Variants in EYS observed in about 807,000 individuals in gnomAD.
EYS encodes the protein EGF-like photoreceptor maintenance factor.
A neutral mutation model predicts 282.1 loss-of-function variants in EYS; 250 were observed. The observed-to-expected ratio is 0.89, with a 90% CI of 0.80 to 0.98. The LOEUF (loss-of-function observed/expected upper bound fraction) is 0.98, where lower values mean the gene tolerates loss of function less well. Ranked by LOEUF, EYS falls within the 50% of genes least tolerant of loss-of-function variation. The pLI is 0.00. For synonymous variants in EYS, 1,355 were observed against 1,282.9 expected (o/e 1.06, Z -1.20); for missense variants, 4,016 against 3,709.0 (o/e 1.08, Z -2.15).
At chr6:65,266,775 T>A (rs1272129670) in intron 12 of EYS, among the ~76,000 whole-genome samples, 2 of 151,512 alleles carry the variant, frequency 1.3e-5, no homozygotes, top group Non-Finnish European at 3.0e-5. Flanking sequence ...TATAAAAAAT[T>A]TTCAGTGTTA....
intron 22 of EYS, among the ~76,000 whole-genome samples, chr6:64,704,717 G>A (rs1171363751): frequency 1.3e-5 from 2 of 151,730 alleles, no homozygotes; most frequent in Non-Finnish European, 2.9e-5. Flanking sequence ...AGCAAAGCTT[G>A]GAGGGAAGGG....
At chr6:65,145,872 C>T (rs1397877423) in intron 12 of EYS, among the ~76,000 whole-genome samples, 1 of 151,724 alleles carries the variant, frequency 6.6e-6, no homozygotes, top group Non-Finnish European at 1.5e-5. Context: ...ATATCCATTC[C>T]ATATAGGAAT....
At chr6:64,472,602 A>G (rs967718743) in intron 26 of EYS, among the ~76,000 whole-genome samples, 1 of 152,206 alleles carries the variant, frequency 6.6e-6, no homozygotes, top group African/African-American at 2.4e-5. Flanking sequence ...GAATTTGAGA[A>G]ACCATGTAAA....
intron 12 of EYS, among the ~76,000 whole-genome samples, chr6:65,128,510 A>T (rs1320344976): frequency 6.6e-6 from 1 of 152,106 alleles, no homozygotes; most frequent in Non-Finnish European, 1.5e-5. Context: ...TACAAAAATC[A>T]GTAGCATTTC....
chr6:65,514,642 T>C (rs1015926390), intron 2 of EYS, among the ~76,000 whole-genome samples: 1 of 152,166 alleles, frequency 6.6e-6, no homozygotes, highest in Non-Finnish European at 1.5e-5. Flanking sequence ...GCCGCATATC[T>C]ACAACTATCT....
intron 1 of EYS, among the ~76,000 whole-genome samples, chr6:65,656,143 C>T (rs905169748): frequency 6.6e-6 from 1 of 151,824 alleles, no homozygotes; most frequent in Admixed American, 6.6e-5. Context: ...CTGACTGCTC[C>T]ACCCACTGGC....
In EYS at chr6:64,436,395, A is replaced by G. The variant is rs1271440769; in HGVS notation, c.5836-130T>C. ...TGGAGAGACATGAAGTTTGAAACTT[A>G]AAGAGAAGTGATAACTGAAGGTTTA... On this transcript the variant is annotated intron_variant, in intron 27 of 42. Coordinates refer to ENST00000503581, the MANE Select transcript of EYS (RefSeq NM_001142800.2). 2.1e-5 allele frequency: 12 copies of G among 582,338 alleles called. No individual in the cohort carries two copies. The East Asian group carries it at 3.4e-4, about 16-fold the overall frequency. 36.1% of individuals were successfully genotyped at this position (582,338 alleles called of 1,614,324 possible). A position where few individuals can be genotyped will look rare whatever the true frequency, so the allele number is the denominator to read the frequency against.
chr6:65,635,098 T>A (rs7760787), intron 2 of EYS, among the ~76,000 whole-genome samples: 139,869 of 152,258 alleles, frequency 0.92, 64,581 homozygotes, highest in Non-Finnish European at 0.97. Flanking sequence ...GTTGGTAAGG[T>A]TATCAACATC....
intron 13 of EYS, among the ~76,000 whole-genome samples, chr6:65,012,720 C>A (rs1306508339): frequency 2.7e-5 from 4 of 148,876 alleles, no homozygotes; most frequent in Non-Finnish European, 5.9e-5. Flanking sequence ...AGAGTAAAGG[C>A]AGCAAATTGA....
At chr6:64,376,476 G>A (rs546615306) in intron 29 of EYS, among the ~76,000 whole-genome samples, 1 of 152,326 alleles carries the variant, frequency 6.6e-6, no homozygotes, top group Non-Finnish European at 1.5e-5. Flanking sequence ...AAATAAGTCG[G>A]TGACATAATA....
chr6:63,988,434 A>G (rs1159622003), intron 34 of EYS, among the ~76,000 whole-genome samples: 1 of 151,618 alleles, frequency 6.6e-6, no homozygotes, highest in Non-Finnish European at 1.5e-5. Flanking sequence ...AAAACACCCA[A>G]ACAATGGAAA....
At chr6:64,253,882 C>A (rs1431028893) in intron 30 of EYS, among the ~76,000 whole-genome samples, 5 of 152,120 alleles carry the variant, frequency 3.3e-5, no homozygotes, top group African/African-American at 1.2e-4. Context: ...CTTAACATGT[C>A]CTGTGTGGTG....
At chr6:64,390,504 G>C (rs1773084593) in intron 28 of EYS, among the ~76,000 whole-genome samples, 1 of 151,456 alleles carries the variant, frequency 6.6e-6, no homozygotes, top group African/African-American at 2.4e-5. Context: ...GCACCCCCCA[G>C]CAGGGGCACA....
At chr6:64,843,343 A>C (rs1428698289) in intron 19 of EYS, among the ~76,000 whole-genome samples, 1 of 152,146 alleles carries the variant, frequency 6.6e-6, no homozygotes, top group Non-Finnish European at 1.5e-5. Context: ...GACAGCTTGC[A>C]CAGTAGACCT....
intron 1 of EYS, among the ~76,000 whole-genome samples, chr6:65,660,688 T>C (rs539712175): frequency 2.0e-5 from 3 of 151,842 alleles, no homozygotes; most frequent in Admixed American, 6.6e-5. Flanking sequence ...GAATATAACA[T>C]GAAATAACAG....
intron 12 of EYS, among the ~76,000 whole-genome samples, chr6:65,242,304 C>G (rs1767077130): frequency 6.6e-6 from 1 of 151,928 alleles, no homozygotes; most frequent in Non-Finnish European, 1.5e-5. Context: ...CCCATCTGCT[C>G]TAGGTGATCA....
rs536691967 is a variant in EYS at position 65,694,771 on chromosome 6, C to T, written c.-448+12364G>A. On this transcript the variant is annotated intron_variant, in intron 1 of 42. Coordinates refer to ENST00000503581, the MANE Select transcript of EYS (RefSeq NM_001142800.2). ...AAAAAAAAAAAAACTTTGTAAAACC[C>T]TTAGCCATTTATATTTGTCCATAGT... Among the ~76,000 whole-genome samples, 4 of 138,398 alleles carry T rather than the reference C, an allele frequency of 2.9e-5. 1 individual carries two copies. The East Asian group carries it at 1.6e-3, about 54-fold the overall frequency. The allele number at this position is 138,398 out of a possible 152,430, so 90.8% of individuals were successfully genotyped here.
intron 22 of EYS, among the ~76,000 whole-genome samples, chr6:64,750,546 G>A (rs1049865024): frequency 5.9e-5 from 9 of 151,982 alleles, no homozygotes; most frequent in African/African-American, 2.2e-4. Context: ...TAAGAGCTAA[G>A]GTTATACATT....
chr6:65,201,284 A>G (rs1410618530), intron 12 of EYS, among the ~76,000 whole-genome samples: 1 of 152,220 alleles, frequency 6.6e-6, no homozygotes, highest in Non-Finnish European at 1.5e-5. Flanking sequence ...TTGACTTAGT[A>G]TGTTAACATA....
Sources: allele counts gnomAD v4.1 joint callset (sites outside exome capture counted in the v4.1 genomes callset), GRCh38; gene constraint gnomAD v4.1.1; transcripts MANE v1.5; gene names NCBI Gene and HGNC (gene_info 2026-07-23, HGNC 2026-07-21).